The following LMLN variants were observed in gnomAD, a reference collection of about 807,000 sequenced individuals.
The protein encoded by LMLN is leishmanolysin-like peptidase.
In LMLN, 70 loss-of-function variants were observed where a neutral mutation model predicts 92.3. The observed-to-expected ratio is 0.76, with a 90% confidence interval of 0.63 to 0.92. LMLN has a LOEUF of 0.92. Ranked by LOEUF, LMLN falls within the 40% of genes least tolerant of loss-of-function variation. The pLI is 0.00. For missense variants in LMLN, 691 were observed against 814.6 expected (o/e 0.85, Z 1.85); for synonymous variants, 308 against 296.2 (o/e 1.04, Z -0.41).
chr3:197,960,300 A>G, exon 1 of LMLN: 1 of 1,613,678 alleles, frequency 6.2e-7, no homozygotes, highest in Non-Finnish European at 8.5e-7. Context: ...CCCGGGCCGG[A>G]GCCGGTGGCG....
At chr3:198,006,072 G>A (rs1017952761) in intron 11 of LMLN, among the ~76,000 whole-genome samples, 3 of 152,144 alleles carry the variant, frequency 2.0e-5, no homozygotes, top group East Asian at 1.9e-4. Context: ...AGCCAAGATC[G>A]CACCACTGTA....
At chr3:198,017,214 C>T (rs1363965074) in intron 11 of LMLN, among the ~76,000 whole-genome samples, 1 of 152,176 alleles carries the variant, frequency 6.6e-6, no homozygotes, top group African/African-American at 2.4e-5. Context: ...ATTCAAATGT[C>T]CCACTTGTGA....
intron 5 of LMLN, among the ~76,000 whole-genome samples, chr3:197,977,147 A>C (rs770127263): frequency 2.6e-5 from 4 of 152,224 alleles, no homozygotes; most frequent in Non-Finnish European, 5.9e-5. Flanking sequence ...AAAACTATAA[A>C]TATGCCTATT....
chr3:198,037,386 T>C (rs1317174748), intron 15 of LMLN, among the ~76,000 whole-genome samples: 1 of 152,202 alleles, frequency 6.6e-6, no homozygotes, highest in African/African-American at 2.4e-5. Flanking sequence ...AATGACACAA[T>C]TAATTTTATT....
chr3:197,994,289 C>T (rs1205137920), intron 9 of LMLN, among the ~76,000 whole-genome samples: 1 of 152,122 alleles, frequency 6.6e-6, no homozygotes, highest in East Asian at 1.9e-4. Context: ...GACGCAGAAG[C>T]CTCTGCACAG....
chr3:198,038,447 C>A, intron 15 of LMLN, 120 bp from the exon 17 acceptor site: 1 of 721,166 alleles, frequency 1.4e-6, no homozygotes, highest in Non-Finnish European at 2.4e-6. Flanking sequence ...CTTGATTTAG[C>A]TCTCAAGGTG....
rs529007679 is a variant in LMLN at position 198,020,978 on chromosome 3, T to C, written c.1366-468T>C. Among the ~76,000 whole-genome samples, 4 of 151,950 alleles carry C rather than the reference T, an allele frequency of 2.6e-5. No individual in the cohort carries two copies. The South Asian group carries it at 8.3e-4, about 32-fold the overall frequency. On this transcript the variant is annotated intron_variant, in intron 12 of 15. Coordinates refer to ENST00000330198, the Ensembl canonical transcript of LMLN. The stretch of plus-strand genomic sequence containing the variant: ...AAAATTTATCTGGTGCCTTGTACCT[T>C]TGGTATTCAAAGTATATTATATATA...
intron 14 of LMLN, among the ~76,000 whole-genome samples, chr3:198,028,650 A>G (rs945987907): frequency 5.9e-5 from 9 of 152,284 alleles, no homozygotes; most frequent in African/African-American, 2.2e-4. Context: ...TTTAATATAA[A>G]TTTTTAAGTA....
intron 6 of LMLN, among the ~76,000 whole-genome samples, chr3:197,982,252 G>GTCTCACTCTGT (rs1420141369): frequency 1.6e-5 from 2 of 127,464 alleles, no homozygotes; most frequent in Non-Finnish European, 3.1e-5. Context: ...TTGAGACGGT[G>GTCTCACTCTGT]TCTCACTCTG....
chr3:197,997,956 G>A (rs1310757078), intron 10 of LMLN, among the ~76,000 whole-genome samples: 3 of 152,234 alleles, frequency 2.0e-5, no homozygotes, highest in African/African-American at 7.2e-5. Flanking sequence ...TTCAGGTGGT[G>A]TTTTTAGATT....
chr3:198,024,690 G>C, exon 14 of LMLN: 1 of 1,608,818 alleles, frequency 6.2e-7, no homozygotes, highest in Non-Finnish European at 8.5e-7. Context: ...TGAAAAGTAT[G>C]GACCTCATTC....
Position 198,021,433 on chromosome 3 carries a change from A to AT in LMLN, c.1366-7dup, listed in dbSNP as rs759603952. 6.2e-7 allele frequency: 1 copy of AT among 1,610,718 alleles called. No individual in the cohort carries two copies. Among genetic ancestry groups the AT allele is most frequent in the South Asian group, 1.1e-5 (1 of 90,318 alleles). On this transcript the variant is annotated splice_polypyrimidine_tract_variant and intron_variant, in intron 12 of 15. Transcript: ENST00000330198. ...TTTCTTACTTTCTTGTCTTCCCAAT[A>AT]TTTTTTCTGCAGTACTTTGATGAAC...
At chr3:197,984,293 G>A (rs1243147119) in intron 7 of LMLN, among the ~76,000 whole-genome samples, 1 of 151,986 alleles carries the variant, frequency 6.6e-6, no homozygotes, top group Non-Finnish European at 1.5e-5. Flanking sequence ...CTTGAGCCCA[G>A]GGAGGTTGAG....
chr3:197,997,858 G>T (rs1722071768), intron 10 of LMLN, among the ~76,000 whole-genome samples: 1 of 152,062 alleles, frequency 6.6e-6, no homozygotes, highest in Middle Eastern at 3.2e-3. Flanking sequence ...ACAGTTCTGT[G>T]TTAATGAACA....
chr3:197,971,944 CT>C (rs756710031), intron 1 of LMLN, among the ~76,000 whole-genome samples: 9,844 of 81,190 alleles, frequency 0.12, 173 homozygotes, highest in Non-Finnish European at 0.14. Context: ...AGTCTCTGTT[CT>C]TTTTTTTTTT....
intron 11 of LMLN, among the ~76,000 whole-genome samples, chr3:198,011,036 T>TACA (rs1722418648): frequency 6.6e-6 from 1 of 152,202 alleles, no homozygotes; most frequent in Admixed American, 6.5e-5. Context: ...ATTTGGAGAA[T>TACA]ATATGCTGTA....
intron 5 of LMLN, among the ~76,000 whole-genome samples, chr3:197,977,404 C>G (rs534803412): frequency 4.6e-5 from 7 of 151,208 alleles, no homozygotes; most frequent in Admixed American, 1.3e-4. Flanking sequence ...AATCATCAAA[C>G]AATCTGGAAG....
intron 8 of LMLN, among the ~76,000 whole-genome samples, chr3:197,989,099 C>T (rs776696940): frequency 5.3e-5 from 8 of 152,294 alleles, no homozygotes; most frequent in Admixed American, 1.3e-4. Context: ...TTCCAATTAA[C>T]CCTGTTCTGT....
intron 11 of LMLN, among the ~76,000 whole-genome samples, chr3:198,012,125 G>A (rs1243396312): frequency 2.0e-5 from 3 of 152,168 alleles, no homozygotes; most frequent in Non-Finnish European, 2.9e-5. Context: ...GAGTGCAGTG[G>A]TGCAATCTCG....
Sources: allele counts gnomAD v4.1 joint callset (sites outside exome capture counted in the v4.1 genomes callset), GRCh38; gene constraint gnomAD v4.1.1; transcripts MANE v1.5; gene names NCBI Gene and HGNC (gene_info 2026-07-23, HGNC 2026-07-21).